The following UVRAG variants were observed in gnomAD, a reference collection of about 807,000 sequenced individuals.
The protein encoded by UVRAG is UV radiation resistance associated, also known as UV radiation resistance-associated gene protein.
A neutral mutation model predicts 78.0 loss-of-function variants in UVRAG; 19 were observed. The observed-to-expected ratio is 0.24, with a 90% confidence interval of 0.17 to 0.36. UVRAG has a LOEUF of 0.36. Ranked by LOEUF, UVRAG falls within the 10% of genes least tolerant of loss-of-function variation. The probability of loss-of-function intolerance (pLI) is 1.00; values close to 1 mark genes in which losing one functional copy is unlikely to be tolerated. For missense variants in UVRAG, 740 were observed against 853.8 expected, an observed-to-expected ratio of 0.87 and a Z score of 1.66; for synonymous variants, 323 against 324.6, an observed-to-expected ratio of 1.00 and a Z score of 0.05.
At chr11:75,989,507 G>A (rs934079772) in intron 8 of UVRAG, among the ~76,000 whole-genome samples, 1 of 152,130 alleles carries the variant, frequency 6.6e-6, no homozygotes, top group African/African-American at 2.4e-5. Context: ...TCTGAAAACT[G>A]TTGTTACATA....
chr11:75,887,941 C>A (rs1947126147), intron 4 of UVRAG, among the ~76,000 whole-genome samples: 1 of 152,138 alleles, frequency 6.6e-6, no homozygotes, highest in Admixed American at 6.5e-5. Flanking sequence ...ATTTGGGATG[C>A]AATGACTGCA....
At chr11:75,957,570 C>CA (rs199704176) in intron 6 of UVRAG, among the ~76,000 whole-genome samples, 199 of 150,716 alleles carry the variant, frequency 1.3e-3, no homozygotes, top group Non-Finnish European at 2.1e-3. Context: ...TAATTTCTGT[C>CA]AAAAAAAAAT....
At chr11:76,016,312 A>G (rs1050786367) in intron 11 of UVRAG, among the ~76,000 whole-genome samples, 3 of 152,150 alleles carry the variant, frequency 2.0e-5, no homozygotes, top group African/African-American at 7.2e-5. Flanking sequence ...CTTTTTCAAT[A>G]TCAAGAACAT....
At chr11:75,995,583 T>A (rs1483331633) in intron 8 of UVRAG, among the ~76,000 whole-genome samples, 1 of 151,610 alleles carries the variant, frequency 6.6e-6, no homozygotes, top group Non-Finnish European at 1.5e-5. Context: ...GTTAGTAAAT[T>A]ACTGTGTCCT....
At chr11:76,056,551 T>G (rs907574006) in intron 12 of UVRAG, among the ~76,000 whole-genome samples, 1 of 152,184 alleles carries the variant, frequency 6.6e-6, no homozygotes, top group African/African-American at 2.4e-5. Context: ...TTTCCTTGCA[T>G]TTTTTTCCTT....
At chr11:75,841,884 C>T (rs556816528) in intron 1 of UVRAG, among the ~76,000 whole-genome samples, 2 of 152,264 alleles carry the variant, frequency 1.3e-5, no homozygotes, top group South Asian at 4.1e-4. Context: ...AAAATAACAT[C>T]ATCATCATTA....
chr11:75,894,802 CAAAAA>C (rs375833755), intron 5 of UVRAG, among the ~76,000 whole-genome samples: 2 of 60,212 alleles, frequency 3.3e-5, no homozygotes, highest in African/African-American at 1.1e-4. Context: ...CCGTCTCTAC[CAAAAA>C]AAAAAAAAAA....
chr11:75,867,458 G>C (rs1946562093), intron 3 of UVRAG, among the ~76,000 whole-genome samples: 1 of 152,036 alleles, frequency 6.6e-6, no homozygotes, highest in African/African-American at 2.4e-5. Context: ...TTATTTTTTG[G>C]GACGTATTTG....
chr11:76,045,440 C>G (rs528577040), intron 12 of UVRAG, among the ~76,000 whole-genome samples: 1 of 151,986 alleles, frequency 6.6e-6, no homozygotes, highest in East Asian at 1.9e-4. Flanking sequence ...TTTGAGGAAA[C>G]TTGAGAAGCC....
chr11:76,086,420 A>G (rs1951590111), intron 13 of UVRAG, among the ~76,000 whole-genome samples: 1 of 152,222 alleles, frequency 6.6e-6, no homozygotes, highest in Non-Finnish European at 1.5e-5. Flanking sequence ...TTAAGGATTT[A>G]AAGTATTGGC....
At chr11:76,007,210 C>G (rs1198451754) in intron 9 of UVRAG, among the ~76,000 whole-genome samples, 1 of 151,992 alleles carries the variant, frequency 6.6e-6, no homozygotes, top group Non-Finnish European at 1.5e-5. Flanking sequence ...CGGGGTCTCC[C>G]TATATTGCCC....
chr11:75,956,598 A>G (rs573407359), intron 6 of UVRAG, among the ~76,000 whole-genome samples: 1 of 152,064 alleles, frequency 6.6e-6, no homozygotes, highest in South Asian at 2.1e-4. Flanking sequence ...GTTGGCCAGG[A>G]TGGTCTTGAT....
chr11:76,011,526 G>A (rs1045132803), intron 11 of UVRAG, among the ~76,000 whole-genome samples: 3 of 152,204 alleles, frequency 2.0e-5, no homozygotes, highest in African/African-American at 7.2e-5. Context: ...TTGGGAGGCT[G>A]AGGCACGAGA....
In UVRAG at chr11:76,003,785, G is replaced by A. The variant is rs201074244; in HGVS notation, c.827-220G>A. On this transcript the variant is annotated intron_variant, in intron 8 of 14. Coordinates refer to ENST00000356136, the MANE Select transcript of UVRAG (RefSeq NM_003369.4). ...TATCTATAGGCAGAGAGTCTTAGGC[G>A]TATACTCTTAGGCTTCTGCCAGAGG... 2.3e-4 allele frequency among the ~76,000 whole-genome samples: 35 copies of A among 152,210 alleles called. No homozygotes were observed. The East Asian group carries it at 5.0e-3, about 22-fold the overall frequency.
At chr11:76,061,865 T>C (rs1399914438) in intron 12 of UVRAG, among the ~76,000 whole-genome samples, 1 of 152,258 alleles carries the variant, frequency 6.6e-6, no homozygotes, top group Non-Finnish European at 1.5e-5. Flanking sequence ...TTGAGAATTA[T>C]AACATCTTGG....
chr11:76,016,700 TAA>T, intron 11 of UVRAG, 113 bp from the exon 12 acceptor site: 1 of 943,108 alleles, frequency 1.1e-6, no homozygotes, highest in Admixed American at 3.4e-5. Flanking sequence ...GATAAGTGGT[TAA>T]TATTTTATGT....
At chr11:75,911,491 C>A in intron 5 of UVRAG, 1 of 174,056 alleles carries the variant, frequency 5.7e-6, no homozygotes, top group South Asian at 1.6e-4. Flanking sequence ...TGATCCTTGT[C>A]ATCTTCTGTC....
rs369320979 is a variant in UVRAG at position 75,983,387 on chromosome 11, A to G, written c.700A>G (p.Lys234Glu). The change falls in exon 8 of 15, where the codon AAA becomes GAA. Residue 234 changes from lysine (K) to glutamate (E), a missense_variant and splice_region_variant. Lys to Glu is a moderately conservative substitution (Grantham distance 56, BLOSUM62 1). Coordinates refer to ENST00000356136, the MANE Select transcript of UVRAG (RefSeq NM_003369.4). ...LRLTSTSNEL[K>E]KKSECLQLKI... ...TATACCTGTGATTTTATTTATTTAG[A>G]AAAAAAAAAGTGAATGCCTGCAGTT... 6.0e-6 allele frequency: 9 copies of G among 1,498,088 alleles called. No homozygotes were observed. In the East Asian group the frequency reaches 9.5e-5, roughly 16 times the overall value. The allele number at this position is 1,498,088 out of a possible 1,614,324, so 92.8% of individuals were successfully genotyped here. A position where few individuals can be genotyped will look rare whatever the true frequency, so the allele number is the denominator to read the frequency against.
intron 6 of UVRAG, among the ~76,000 whole-genome samples, chr11:75,918,337 C>T (rs113848436): frequency 6.1e-4 from 92 of 151,200 alleles, no homozygotes; most frequent in African/African-American, 1.9e-3. Context: ...GAGATCGCGC[C>T]GCTGCTCTCC....
Sources: allele counts gnomAD v4.1 joint callset (sites outside exome capture counted in the v4.1 genomes callset), GRCh38; gene constraint gnomAD v4.1.1; transcripts MANE v1.5; gene names NCBI Gene and HGNC (gene_info 2026-07-23, HGNC 2026-07-21).